NAA16: variants seen among roughly 807,000 people sequenced by gnomAD.
The protein encoded by NAA16 is N-alpha-acetyltransferase 16, NatA auxiliary subunit.
In NAA16, 97 loss-of-function variants were observed where a neutral mutation model predicts 110.3. The ratio of observed to expected loss-of-function variants is 0.88; its 90% CI spans 0.75 to 1.04. The LOEUF is 1.04. Among genes scored for constraint, NAA16 ranks in the 50% least tolerant of loss-of-function variants. The pLI is 0.00. For missense variants in NAA16, 1,017 were observed against 1,005.1 expected, an observed-to-expected ratio of 1.01 and a Z score of -0.16; for synonymous variants, 372 against 330.6, an observed-to-expected ratio of 1.13 and a Z score of -1.36.
chr13:41,351,604 G>T (rs191923887), intron 9 of NAA16, among the ~76,000 whole-genome samples: 5 of 152,284 alleles, frequency 3.3e-5, no homozygotes, highest in Admixed American at 3.3e-4. Flanking sequence ...AGAAAAGCTG[G>T]TCACCAAGGA....
chr13:41,337,726 G>T (rs902269906), intron 9 of NAA16, among the ~76,000 whole-genome samples: 13 of 152,056 alleles, frequency 8.5e-5, no homozygotes, highest in African/African-American at 9.7e-5. Context: ...ATAAGGAAAA[G>T]ATTTTATTAG....
intron 1 of NAA16, 137 bp from the exon 2 acceptor site, chr13:41,316,709 A>G (rs1045945669): frequency 2.5e-5 from 15 of 596,872 alleles, no homozygotes; most frequent in South Asian, 1.2e-4. Flanking sequence ...AGTACACTGC[A>G]TGTTTGTAAG....
chr13:41,367,688 C>A (rs2043234613), intron 14 of NAA16, 36 bp downstream of exon 14: 1 of 1,391,482 alleles, frequency 7.2e-7, no homozygotes, highest in Admixed American at 2.0e-5. Flanking sequence ...TTTAAAAGGA[C>A]ACTAAATTTC....
chr13:41,313,802 T>C (rs902518250), intron 1 of NAA16, among the ~76,000 whole-genome samples: 2 of 152,126 alleles, frequency 1.3e-5, no homozygotes, highest in Non-Finnish European at 2.9e-5. Context: ...AGTAGCAAAG[T>C]TGAGACTAGA....
intron 8 of NAA16, among the ~76,000 whole-genome samples, chr13:41,332,005 T>C (rs2042251879): frequency 6.6e-6 from 1 of 152,282 alleles, no homozygotes; most frequent in East Asian, 1.9e-4. Flanking sequence ...CTATAATTAG[T>C]GACAAATTAT....
chr13:41,363,337 T>C (rs1394358330), intron 13 of NAA16, among the ~76,000 whole-genome samples: 1 of 152,190 alleles, frequency 6.6e-6, no homozygotes, highest in Non-Finnish European at 1.5e-5. Context: ...GTTTCCCTTA[T>C]GAAGAGGCTG....
intron 9 of NAA16, among the ~76,000 whole-genome samples, chr13:41,348,783 ACTTTT>A (rs1682625417): frequency 6.6e-6 from 1 of 152,060 alleles, no homozygotes; most frequent in Non-Finnish European, 1.5e-5. Flanking sequence ...ATGGGCCTGG[ACTTTT>A]CTTTGTGGGT....
intron 3 of NAA16, among the ~76,000 whole-genome samples, chr13:41,319,578 A>G (rs1349824311): frequency 2.0e-5 from 3 of 151,996 alleles, no homozygotes; most frequent in African/African-American, 7.2e-5. Context: ...GTGCAGTGGC[A>G]TGATCTAGGC....
At chr13:41,372,605 T>A in intron 16 of NAA16, 127 bp from the exon 17 acceptor site, 1 of 1,334,402 alleles carries the variant, frequency 7.5e-7, no homozygotes, top group South Asian at 2.2e-5. Flanking sequence ...GAGTCAACTT[T>A]AATTTTGCTT....
chr13:41,323,196 A>G lies in NAA16; in HGVS notation c.537+6A>G. 1 of 1,613,006 alleles carries G rather than the reference A, an allele frequency of 6.2e-7. No individual in the cohort carries two copies. The highest frequency in any genetic ancestry group is 2.2e-5 in the East Asian group (1 of 44,868). On this transcript the variant is annotated splice_donor_region_variant and intron_variant, in intron 5 of 19. Coordinates refer to ENST00000379406, the MANE Select transcript of NAA16 (RefSeq NM_024561.5). ...AATTTAGACAAACTCAGCAAGTAAG[A>G]ATTTTAATGTTTCCTTCTACCTTCA...
chr13:41,311,749 C>T (rs768565100), intron 1 of NAA16, among the ~76,000 whole-genome samples, 167 bp downstream of exon 1: 2 of 152,226 alleles, frequency 1.3e-5, no homozygotes, highest in Admixed American at 6.5e-5. Flanking sequence ...CCGGCCGGCC[C>T]ACGGGGGCTG....
Position 41,325,701 on chromosome 13 carries a change from C to A in NAA16, c.541C>A (p.Pro181Thr). 6.4e-7 allele frequency: 1 copy of A among 1,556,418 alleles called. No homozygotes were observed. Among genetic ancestry groups the A allele is most frequent in the Non-Finnish European group, 8.7e-7 (1 of 1,147,956 alleles). Residue 181 changes from proline (P) to threonine (T), a missense_variant, in exon 6 of 20, where the codon CCT (proline) becomes ACT (threonine). Pro to Thr is a conservative substitution (Grantham distance 38, BLOSUM62 -1). Coordinates refer to ENST00000379406, the MANE Select transcript of NAA16 (RefSeq NM_024561.5). ...LEEFRQTQQV[P>T]PNKIDYEYSE... ...TAATTTGGTCATTTTTTTTCAGGTTCCTCCAAACAAAATAGATTATGAATA... is the reference window on the plus strand; with the variant it reads ...TAATTTGGTCATTTTTTTTCAGGTTACTCCAAACAAAATAGATTATGAATA...
chr13:41,359,895 A>G (rs1566292374), intron 12 of NAA16, among the ~76,000 whole-genome samples: 1 of 152,184 alleles, frequency 6.6e-6, no homozygotes. Flanking sequence ...TCTTCAGGAT[A>G]AAGAAGCATT....
intron 9 of NAA16, among the ~76,000 whole-genome samples, chr13:41,338,616 A>T (rs942229628): frequency 5.3e-5 from 8 of 152,320 alleles, no homozygotes; most frequent in Admixed American, 1.3e-4. Flanking sequence ...GTGAGAAAAA[A>T]TTTGCAAGTC....
chr13:41,319,003 A>G, intron 3 of NAA16, 93 bp downstream of exon 3: 1 of 577,714 alleles, frequency 1.7e-6, no homozygotes, highest in African/African-American at 1.9e-5. Context: ...AAACCTACGT[A>G]GAAGAGAGAA....
intron 4 of NAA16, among the ~76,000 whole-genome samples, chr13:41,321,697 A>G (rs543022333): frequency 7.8e-4 from 118 of 152,082 alleles, no homozygotes; most frequent in African/African-American, 2.7e-3. Flanking sequence ...TGCATCTTCA[A>G]CTCTCTCCTG....
In NAA16 at chr13:41,311,538, G is replaced by C. The variant is rs201334109; in HGVS notation, c.10G>C (p.Val4Leu). 3.7e-6 allele frequency: 6 copies of C among 1,605,888 alleles called. No individual in the cohort carries two copies. The highest frequency in any genetic ancestry group is 1.7e-4 in the Middle Eastern group (1 of 6,054). The change falls in exon 1 of 20, where the codon GTG (valine) becomes CTG (leucine). Residue 4 changes from valine to leucine, a missense_variant. Transcript: ENST00000379406. ...CTCCCTGCCGGCCACGATGCCGAAC[G>C]TGCTGCTGCCGCCCAAGGAGAGCAA... MPNVLLPPKESNLF... is the reference protein window; with the variant it reads MPNLLLPPKESNLF...
Position 41,311,312 on chromosome 13 carries a change from G to A in NAA16, c.-217G>A. 1.8e-6 allele frequency: 1 copy of A among 551,624 alleles called. No individual in the cohort carries two copies. The highest frequency in any genetic ancestry group is 3.2e-6 in the Non-Finnish European group (1 of 316,222). 34.2% of individuals were successfully genotyped at this position (551,624 alleles called of 1,614,324 possible). On this transcript the variant is annotated 5_prime_UTR_variant, in exon 1 of 20. Transcript: ENST00000379406. The stretch of plus-strand genomic sequence containing the variant: ...CCGCCGCCGCTGGCCAAAAAGCGGA[G>A]CCCAGGGGAAGCGTGTCCTGCTCAG...
chr13:41,325,565 C>G (rs1373164729), intron 5 of NAA16, 133 bp from the exon 6 acceptor site: 2 of 468,388 alleles, frequency 4.3e-6, no homozygotes, highest in Non-Finnish European at 7.5e-6. Flanking sequence ...ATTAATCACT[C>G]TTCTGTTTGT....
Sources: allele counts gnomAD v4.1 joint callset (sites outside exome capture counted in the v4.1 genomes callset), GRCh38; gene constraint gnomAD v4.1.1; transcripts MANE v1.5; gene names NCBI Gene and HGNC (gene_info 2026-07-23, HGNC 2026-07-21).